VAV2: variants seen among roughly 807,000 people sequenced by gnomAD.
VAV2 encodes the protein guanine nucleotide exchange factor VAV2.
A neutral mutation model predicts 132.5 loss-of-function variants in VAV2; 67 were observed. The ratio of observed to expected loss-of-function variants is 0.51; its 90% CI spans 0.42 to 0.62. The LOEUF is 0.62. VAV2 is among the 20% of genes least tolerant of loss of function. The pLI, the probability that VAV2 is intolerant of heterozygous loss-of-function variation, is 0.00. For missense variants in VAV2, 938 were observed against 1,153.6 expected (o/e 0.81, Z 2.71); for synonymous variants, 492 against 443.5 (o/e 1.11, Z -1.37).
At chr9:133,778,399 C>T (rs550710110) in intron 22 of VAV2, among the ~76,000 whole-genome samples, 1 of 152,272 alleles carries the variant, frequency 6.6e-6, no homozygotes, top group South Asian at 2.1e-4. Flanking sequence ...CATGGCATGG[C>T]CAGGGCAGAA....
chr9:133,845,346 T>C (rs2131822131), intron 3 of VAV2, among the ~76,000 whole-genome samples: 1 of 152,214 alleles, frequency 6.6e-6, no homozygotes, highest in Middle Eastern at 3.4e-3. Flanking sequence ...CAGACCTTCC[T>C]CCAGCAAACA....
chr9:133,983,854 A>G (rs1223110125), intron 1 of VAV2, among the ~76,000 whole-genome samples: 1 of 150,952 alleles, frequency 6.6e-6, no homozygotes, highest in Non-Finnish European at 1.5e-5. Context: ...TGCTCGCAAG[A>G]TGAGTGTTTC....
At position 133,969,400 on chromosome 9, in the gene VAV2, C is replaced by T. The variant is rs1404316844; in HGVS notation, c.204+22675G>A. Among the ~76,000 whole-genome samples the T allele has an allele frequency of 1.3e-5, 2 of 152,162 alleles. No homozygotes were observed. The highest frequency in any genetic ancestry group is 2.9e-5 in the Non-Finnish European group (2 of 68,024). On this transcript the variant is annotated intron_variant, in intron 1 of 29. Transcript: ENST00000371850. This position sits in a 1 kb window ranked among gnomAD's most constrained non-coding sequence, Gnocchi z 5.1. ...GCTGCTAAGTTTGGTCACTCCCAGG[C>T]TGGGGCCAGACCCACCAAGACCACT...
At chr9:133,945,528 AC>A (rs1421596875) in intron 1 of VAV2, among the ~76,000 whole-genome samples, 2 of 152,170 alleles carry the variant, frequency 1.3e-5, no homozygotes, top group East Asian at 3.8e-4. Flanking sequence ...CGCGATCTGA[AC>A]CCAGGCCCGG....
chr9:133,887,583 T>TCA (rs1010248674), intron 2 of VAV2, among the ~76,000 whole-genome samples: 14 of 148,782 alleles, frequency 9.4e-5, no homozygotes, highest in Non-Finnish European at 1.8e-4. Context: ...ATCACCACCG[T>TCA]CACACACACA....
chr9:133,778,476 G>A (rs1044516846), intron 22 of VAV2, among the ~76,000 whole-genome samples: 3 of 152,204 alleles, frequency 2.0e-5, no homozygotes, highest in Non-Finnish European at 4.4e-5. Flanking sequence ...GGCCTTGGGT[G>A]CCAGGGCAGG....
intron 4 of VAV2, among the ~76,000 whole-genome samples, chr9:133,816,490 TA>T: frequency 6.6e-6 from 1 of 152,348 alleles, no homozygotes; most frequent in African/African-American, 2.4e-5. Context: ...CATCTCAAGT[TA>T]ATTTATGTGC....
intron 1 of VAV2, among the ~76,000 whole-genome samples, chr9:133,967,895 T>G (rs1842197486): frequency 7.8e-6 from 1 of 127,616 alleles, no homozygotes; most frequent in African/African-American, 3.0e-5. Flanking sequence ...ATCACACCAC[T>G]GCACTCCAGC....
Position 133,778,903 on chromosome 9 carries a change from G to A in VAV2, c.1763-14C>T, listed in dbSNP as rs771645232. 34 of 1,610,506 alleles carry A rather than the reference G, an allele frequency of 2.1e-5. No homozygotes were observed. The highest frequency in any genetic ancestry group is 1.8e-4 in the South Asian group (16 of 91,038). On this transcript the variant is annotated splice_polypyrimidine_tract_variant and intron_variant, in intron 21 of 29. Transcript: ENST00000371850. ...CCATCTTGGGACCTGCAAAGGATAGGACAGCTCACTCAGTGACTCAGCAGC... is the reference window on the plus strand; with the variant it reads ...CCATCTTGGGACCTGCAAAGGATAGAACAGCTCACTCAGTGACTCAGCAGC...
At chr9:133,873,499 G>A (rs1364560207) in intron 2 of VAV2, among the ~76,000 whole-genome samples, 2 of 152,244 alleles carry the variant, frequency 1.3e-5, no homozygotes, top group African/African-American at 4.8e-5. Context: ...GCTCCGGGCA[G>A]ACGCTGCCTG....
chr9:133,785,904 C>T lies in VAV2; in HGVS notation c.1423-19G>A. 6.2e-7 allele frequency: 1 copy of T among 1,606,446 alleles called. No homozygotes were observed. Among genetic ancestry groups the T allele is most frequent in the Non-Finnish European group, 8.5e-7 (1 of 1,174,506 alleles). On this transcript the variant is annotated intron_variant, in intron 16 of 29. Coordinates refer to ENST00000371850, the MANE Select transcript of VAV2 (RefSeq NM_001134398.2). ...AGGACCACTGCAGGGGGGAGAGGGG[C>T]CATGCTTGCAATAGACACGGCTTCA...
chr9:133,984,618 A>C (rs1842793866), intron 1 of VAV2, among the ~76,000 whole-genome samples: 1 of 152,062 alleles, frequency 6.6e-6, no homozygotes, highest in Admixed American at 6.6e-5. Context: ...GTCTCTAAAA[A>C]TAATTCATAA....
chr9:133,816,612 C>T (rs998671771), intron 4 of VAV2, among the ~76,000 whole-genome samples: 1 of 152,146 alleles, frequency 6.6e-6, no homozygotes, highest in African/African-American at 2.4e-5. Flanking sequence ...TCATGCCTGT[C>T]GTCCCAGCTA....
rs577453732 is a variant in VAV2 at position 133,806,113 on chromosome 9, C to T, written c.804G>A (p.Thr268=). Residue 268 remains threonine, a synonymous_variant, in exon 9 of 30, where the codon ACG becomes ACA. Coordinates refer to ENST00000371850, the MANE Select transcript of VAV2 (RefSeq NM_001134398.2). ...IDVSVMVGGS[T]LAKVFLDFKE... ...TGAAATCGAGGAAGACCTTGGCCAG[C>T]GTGCTGCCCCCCACCATCACGGACA... 1.9e-6 allele frequency: 3 copies of T among 1,613,026 alleles called. No homozygotes were observed. The highest frequency in any genetic ancestry group is 2.2e-5 in the East Asian group (1 of 44,872).
intron 3 of VAV2, among the ~76,000 whole-genome samples, chr9:133,851,460 T>C (rs1189807923): frequency 6.6e-6 from 1 of 152,194 alleles, no homozygotes; most frequent in Non-Finnish European, 1.5e-5. Flanking sequence ...AAGAAATTGA[T>C]CCAGCATCTC....
In VAV2 at chr9:133,812,186, G is replaced by A; in HGVS notation, c.480C>T (p.Asp160=). Residue 160 remains aspartate (D), a synonymous_variant, in exon 5 of 30, where the codon GAC becomes GAT. Coordinates refer to ENST00000371850, the MANE Select transcript of VAV2 (RefSeq NM_001134398.2). The part of the protein sequence containing the change: ...DEHDLGEDIY[D]CVPCEDGGDD... The stretch of plus-strand genomic sequence containing the variant: ...CCCCTCCATCCTCACACGGGACGCA[G>A]TCGTAGATGTCCTCCCCCAGGTCAT... 1 of 1,613,986 alleles carries A rather than the reference G, an allele frequency of 6.2e-7. No homozygotes were observed. Among genetic ancestry groups the A allele is most frequent in the Non-Finnish European group, 8.5e-7 (1 of 1,180,008 alleles).
chr9:133,903,580 A>G (rs565554463), intron 2 of VAV2, among the ~76,000 whole-genome samples: 11 of 152,344 alleles, frequency 7.2e-5, no homozygotes, highest in Admixed American at 7.2e-4. Flanking sequence ...TGGGGTTCTC[A>G]GGACACAAAG....
At chr9:133,803,091 G>A (rs779860815) in intron 9 of VAV2, among the ~76,000 whole-genome samples, 6 of 152,218 alleles carry the variant, frequency 3.9e-5, no homozygotes, top group Middle Eastern at 3.4e-3. Flanking sequence ...GCTTCGGGTA[G>A]GAACCATCCA....
intron 1 of VAV2, among the ~76,000 whole-genome samples, chr9:133,956,491 C>T (rs1022132829): frequency 6.6e-5 from 10 of 152,048 alleles, no homozygotes; most frequent in African/African-American, 1.4e-4. Flanking sequence ...TTTTTTCCAA[C>T]GAGTAGACAT....
Sources: allele counts gnomAD v4.1 joint callset (sites outside exome capture counted in the v4.1 genomes callset), GRCh38; gene constraint gnomAD v4.1.1; non-coding constraint Gnocchi (gnomAD v3.1); transcripts MANE v1.5; gene names NCBI Gene and HGNC (gene_info 2026-07-23, HGNC 2026-07-21).